The following ABCC1 variants were observed in gnomAD, a reference collection of about 807,000 sequenced individuals.
ABCC1 encodes ATP binding cassette subfamily C member 1 (ABCC1 blood group).
ABCC1 carries 83 observed loss-of-function variants against 172.9 expected under a neutral mutation model. The observed-to-expected ratio is 0.48, with a 90% CI of 0.40 to 0.58. ABCC1 has a LOEUF of 0.58. Among genes scored for constraint, ABCC1 ranks in the 20% least tolerant of loss-of-function variants. The pLI, the probability that ABCC1 is intolerant of heterozygous loss-of-function variation, is 0.00. For missense variants in ABCC1, 1,817 were observed against 2,002.7 expected (o/e 0.91, Z 1.77); for synonymous variants, 937 against 825.2 (o/e 1.14, Z -2.32).
At chr16:16,017,945 C>T (rs1336145486) in intron 5 of ABCC1, among the ~76,000 whole-genome samples, 1 of 152,096 alleles carries the variant, frequency 6.6e-6, no homozygotes, top group East Asian at 1.9e-4. Context: ...GAAAAGCCAG[C>T]ACAGCAGGAG....
At chr16:16,101,026 ATTTTTAT>A (rs2051719660) in intron 19 of ABCC1, among the ~76,000 whole-genome samples, 2 of 146,930 alleles carry the variant, frequency 1.4e-5, no homozygotes, top group South Asian at 2.1e-4. Flanking sequence ...TTTTTTTTTT[ATTTTTAT>A]TTTTTATTTT....
rs556826780 is a variant in ABCC1 at position 16,134,777 on chromosome 16, C to T, written c.4125+269C>T. ...CCAGCCTCCTGAGTAGCTGGGACTA[C>T]AGGCACATGCCACCACACCCAGCTA... On this transcript the variant is annotated intron_variant, in intron 28 of 30. Coordinates refer to ENST00000399410, the MANE Select transcript of ABCC1 (RefSeq NM_004996.4). 2.0e-5 allele frequency among the ~76,000 whole-genome samples: 3 copies of T among 152,220 alleles called. 1 individual carries two copies. The highest frequency in any genetic ancestry group is 7.2e-5 in the African/African-American group (3 of 41,540).
At chr16:16,019,248 C>T (rs921666615) in intron 5 of ABCC1, among the ~76,000 whole-genome samples, 13 of 152,066 alleles carry the variant, frequency 8.5e-5, no homozygotes, top group African/African-American at 2.4e-4. Context: ...GGATTACAGG[C>T]GCCCATCACC....
intron 1 of ABCC1, among the ~76,000 whole-genome samples, chr16:15,968,174 T>C (rs1299320609): frequency 6.6e-6 from 1 of 151,998 alleles, no homozygotes; most frequent in African/African-American, 2.4e-5. Context: ...GTTATAGGTG[T>C]GTACCATGCA....
chr16:16,031,941 C>A (rs1394235806), intron 5 of ABCC1, among the ~76,000 whole-genome samples: 1 of 152,102 alleles, frequency 6.6e-6, no homozygotes, highest in East Asian at 1.9e-4. Flanking sequence ...AGCTGTGGGA[C>A]CTTGAACAAA....
chr16:15,965,401 C>T (rs1300745196), intron 1 of ABCC1, among the ~76,000 whole-genome samples: 10 of 152,126 alleles, frequency 6.6e-5, no homozygotes, highest in African/African-American at 2.4e-4. Context: ...ACGCCATTCT[C>T]CTGCCTCAGC....
intron 14 of ABCC1, among the ~76,000 whole-genome samples, chr16:16,075,588 ACCACTGCG>A (rs1241937598): frequency 3.3e-5 from 5 of 152,250 alleles, no homozygotes; most frequent in African/African-American, 9.6e-5. Flanking sequence ...CCGAGATCGC[ACCACTGCG>A]CTCCAGCCTG....
At chr16:16,054,017 CAGGCTAG>C (rs1256038295) in intron 11 of ABCC1, among the ~76,000 whole-genome samples, 2 of 151,292 alleles carry the variant, frequency 1.3e-5, no homozygotes, top group Non-Finnish European at 2.9e-5. Context: ...CTTTGTTGCC[CAGGCTAG>C]AGTGCAGTCG....
chr16:15,999,237 C>T (rs557543037), intron 1 of ABCC1, among the ~76,000 whole-genome samples: 5 of 152,024 alleles, frequency 3.3e-5, no homozygotes, highest in Admixed American at 6.6e-5. Context: ...CATCTCCTAA[C>T]CTCATGATTC....
At chr16:16,079,769 C>T (rs1306903738) in intron 16 of ABCC1, among the ~76,000 whole-genome samples, 3 of 151,720 alleles carry the variant, frequency 2.0e-5, no homozygotes, top group African/African-American at 4.8e-5. Flanking sequence ...TATTTTGTTA[C>T]CTCTTTATTA....
At chr16:16,055,335 A>G (rs1486325514) in intron 11 of ABCC1, among the ~76,000 whole-genome samples, 1 of 151,816 alleles carries the variant, frequency 6.6e-6, no homozygotes, top group Non-Finnish European at 1.5e-5. Flanking sequence ...GGATCACTTG[A>G]AGTCAGGAGT....
In ABCC1 at chr16:16,136,681, G is replaced by A. The variant is rs767498768; in HGVS notation, c.4292+37G>A. Reference sequence around the variant, plus strand: ...TGAACAAGGAGACACCGGGTAAGGTGTCCTAGGCGCCATCTCGGTAGGGGT... The same window carrying A: ...TGAACAAGGAGACACCGGGTAAGGTATCCTAGGCGCCATCTCGGTAGGGGT... On this transcript the variant is annotated intron_variant, in intron 29 of 30. Transcript: ENST00000399410. 1.6e-5 allele frequency: 25 copies of A among 1,607,618 alleles called. No individual in the cohort carries two copies. The South Asian group carries it at 2.0e-4, about 13-fold the overall frequency.
At chr16:15,996,675 G>A (rs1199198759) in intron 1 of ABCC1, among the ~76,000 whole-genome samples, 1 of 152,154 alleles carries the variant, frequency 6.6e-6, no homozygotes, top group Non-Finnish European at 1.5e-5. Flanking sequence ...AGGCCCTGGT[G>A]GAGCATCTGT....
chr16:16,049,693 T>TTTTTG (rs1431305071), intron 10 of ABCC1, among the ~76,000 whole-genome samples: 3 of 152,102 alleles, frequency 2.0e-5, no homozygotes, highest in African/African-American at 7.2e-5. Context: ...TTTTGTTTTG[T>TTTTTG]TTTTGTTTTG....
At chr16:15,977,541 C>A (rs2046522661) in intron 1 of ABCC1, among the ~76,000 whole-genome samples, 1 of 151,746 alleles carries the variant, frequency 6.6e-6, no homozygotes, top group Non-Finnish European at 1.5e-5. Context: ...CAGCTTATAC[C>A]CCCTAAGCTT....
chr16:16,068,166 G>A lies in ABCC1; in HGVS notation c.1688G>A (p.Cys563Tyr), dbSNP rs377243541. ...GCGTTCTGCTTGCAGGTGGCCTTGT[G>A]CACATTTGCCGTCTACGTGACCATT... ...WVCTPFLVAL[C>Y]TFAVYVTIDE... Residue 563 changes from cysteine to tyrosine, a missense_variant, in exon 13 of 31, where the codon TGC (cysteine) becomes TAC (tyrosine). Transcript: ENST00000399410. The A allele has an allele frequency of 2.5e-6, 4 of 1,613,988 alleles. No homozygotes were observed. The highest frequency in any genetic ancestry group is 3.4e-6 in the Non-Finnish European group (4 of 1,180,032).
chr16:16,034,506 A>G (rs1252521600), intron 6 of ABCC1, among the ~76,000 whole-genome samples: 1 of 151,930 alleles, frequency 6.6e-6, no homozygotes, highest in Non-Finnish European at 1.5e-5. Flanking sequence ...CTAGTTACAT[A>G]AGAGCATGTC....
rs1484855564 is a variant in ABCC1 at position 16,102,615 on chromosome 16, C to T, written c.2645-12C>T. On this transcript the variant is annotated splice_polypyrimidine_tract_variant and intron_variant, in intron 19 of 30. Coordinates refer to ENST00000399410, the MANE Select transcript of ABCC1 (RefSeq NM_004996.4). ...ATAACCCCACTTGCCCCCTTTGTCT[C>T]TCTTCTGCCAGGGGTCACGGGCGTC... The T allele has an allele frequency of 6.4e-7, 1 of 1,568,276 alleles. No homozygotes were observed. The highest frequency in any genetic ancestry group is 1.9e-5 in the Admixed American group (1 of 52,828).
chr16:16,094,799 G>A (rs1427114958), intron 19 of ABCC1, among the ~76,000 whole-genome samples: 2 of 148,336 alleles, frequency 1.3e-5, no homozygotes, highest in East Asian at 3.9e-4. Flanking sequence ...ACAGGCGTGA[G>A]CCACTGCGCC....
Sources: allele counts gnomAD v4.1 joint callset (sites outside exome capture counted in the v4.1 genomes callset), GRCh38; gene constraint gnomAD v4.1.1; transcripts MANE v1.5; gene names NCBI Gene and HGNC (gene_info 2026-07-23, HGNC 2026-07-21).